NLRC5: variants seen among roughly 807,000 people sequenced by gnomAD.
NLRC5 encodes the protein NLR family CARD domain containing 5.
A neutral mutation model predicts 206.9 loss-of-function variants in NLRC5; 114 were observed. That is an observed-to-expected ratio of 0.55 (90% CI 0.47 to 0.64). The LOEUF is 0.64. Among genes scored for constraint, NLRC5 ranks in the 30% least tolerant of loss-of-function variants. NLRC5 has a pLI of 0.00. For synonymous variants in NLRC5, 952 were observed against 962.8 expected, an observed-to-expected ratio of 0.99 and a Z score of 0.21; for missense variants, 2,008 against 2,305.5, an observed-to-expected ratio of 0.87 and a Z score of 2.64.
chr16:57,062,057 A>C, intron 32 of NLRC5: 2 of 1,323,928 alleles, frequency 1.5e-6, no homozygotes, highest in Non-Finnish European at 2.0e-6. Context: ...GAAGATACCG[A>C]AGTAGAAAGA....
chr16:57,047,310 GGA>G (rs2064123707), intron 22 of NLRC5, among the ~76,000 whole-genome samples: 1 of 152,078 alleles, frequency 6.6e-6, no homozygotes, highest in South Asian at 2.1e-4. Context: ...GGGAGGACTT[GGA>G]GAGTCACTGA....
At position 57,081,527 on chromosome 16, in the gene NLRC5, C is replaced by G. The variant is rs1158845677; in HGVS notation, c.5406C>G (p.Asp1802Glu). 6.2e-7 allele frequency: 1 copy of G among 1,613,816 alleles called. No individual in the cohort carries two copies. The highest frequency in any genetic ancestry group is 1.3e-5 in the African/African-American group (1 of 74,908). ...LPQMGRLKRV[D>E]LEKNQITALG... Reference sequence around the variant, plus strand: ...CCTCCCCTCACTGTCCACTGAGAAGCCTGGAGAAGAATCAGATCACAGCTT... The same window carrying G: ...CCTCCCCTCACTGTCCACTGAGAAGGCTGGAGAAGAATCAGATCACAGCTT... The change falls in exon 48 of 49, where the codon GAC becomes GAG. Residue 1802 changes from aspartate to glutamate, a missense_variant and splice_region_variant. Asp to Glu is a conservative substitution (Grantham distance 45). Transcript: ENST00000688547.
At chr16:57,055,396 GC>G in intron 26 of NLRC5, 36 bp from the exon 27 acceptor site, 1 of 1,598,886 alleles carries the variant, frequency 6.3e-7, no homozygotes, top group Non-Finnish European at 8.6e-7. Context: ...GTGGCCAAAC[GC>G]CCCATCCCCT....
intron 13 of NLRC5, chr16:57,035,029 T>C (rs1443844964): frequency 6.6e-6 from 1 of 152,232 alleles, no homozygotes; most frequent in Non-Finnish European, 1.5e-5. Flanking sequence ...CAGGACAGAA[T>C]TAGAAGGTGG....
intron 1 of NLRC5, among the ~76,000 whole-genome samples, chr16:57,002,645 G>GTTTTTTTTTTT (rs61167610): frequency 2.1e-5 from 2 of 94,734 alleles, no homozygotes; most frequent in African/African-American, 3.9e-5. Context: ...GTTTTTTTTT[G>GTTTTTTTTTTT]TTTTTTTTTT....
At chr16:57,066,174 C>T (rs1023558698) in intron 33 of NLRC5, among the ~76,000 whole-genome samples, 13 of 152,230 alleles carry the variant, frequency 8.5e-5, no homozygotes, top group African/African-American at 2.9e-4. Context: ...CGGTGGCTCA[C>T]GCCTGTAACC....
At chr16:57,013,266 G>A in intron 1 of NLRC5, 1 of 562,014 alleles carries the variant, frequency 1.8e-6, no homozygotes. Context: ...CCAGGATTTT[G>A]AGCTATAACT....
chr16:57,008,424 A>G (rs2059152654), intron 1 of NLRC5, among the ~76,000 whole-genome samples: 1 of 152,198 alleles, frequency 6.6e-6, no homozygotes, highest in Non-Finnish European at 1.5e-5. Flanking sequence ...TTTTGGTTTC[A>G]TCTAGACTTT....
At chr16:57,039,694 G>A in intron 15 of NLRC5, 87 bp from the exon 16 acceptor site, 1 of 1,227,830 alleles carries the variant, frequency 8.1e-7, no homozygotes, top group Admixed American at 1.7e-5. Context: ...ACCAGCTTGG[G>A]CAACAGACTG....
chr16:57,069,272 A>G (rs1343639024), intron 36 of NLRC5, among the ~76,000 whole-genome samples: 1 of 152,074 alleles, frequency 6.6e-6, no homozygotes, highest in African/African-American at 2.4e-5. Flanking sequence ...CTAACTTTAC[A>G]TTTTATTTCC....
chr16:57,047,929 C>T, intron 23 of NLRC5: 1 of 429,304 alleles, frequency 2.3e-6, no homozygotes, highest in South Asian at 3.3e-5. Context: ...ACCCCTGGAG[C>T]CTCACCAGGG....
In NLRC5 at chr16:57,014,788, G is replaced by C. The variant is rs140383673; in HGVS notation, c.-127-2286G>C. Among the ~76,000 whole-genome samples the C allele has an allele frequency of 1.0e-3, 157 of 152,326 alleles. 1 individual carries two copies. In the East Asian group the frequency reaches 0.024, roughly 23 times the overall value. Reference sequence around the variant, plus strand: ...TTTCTCACGTTCTGAAAGCCGGGAAGTCCCCAATCAGGGAGCCAGCAGGCC... The same window carrying C: ...TTTCTCACGTTCTGAAAGCCGGGAACTCCCCAATCAGGGAGCCAGCAGGCC... On this transcript the variant is annotated intron_variant, in intron 1 of 48. Coordinates refer to ENST00000688547, the MANE Select transcript of NLRC5 (RefSeq NM_001384950.1).
At chr16:56,993,121 GTA>G (rs59382132) in intron 1 of NLRC5, among the ~76,000 whole-genome samples, 8,377 of 128,450 alleles carry the variant, frequency 0.065, 559 homozygotes, top group African/African-American at 0.16. Context: ...GTATATATGT[GTA>G]TATATATATA....
intron 1 of NLRC5, among the ~76,000 whole-genome samples, chr16:57,010,798 A>C (rs1282022132): frequency 6.6e-6 from 1 of 152,194 alleles, no homozygotes; most frequent in Admixed American, 6.5e-5. Flanking sequence ...TTTGTGAGCT[A>C]TCACTGATAA....
chr16:57,067,511 G>C (rs749389890), intron 35 of NLRC5, 41 bp downstream of exon 35: 1 of 1,580,202 alleles, frequency 6.3e-7, no homozygotes, highest in Admixed American at 1.7e-5. Flanking sequence ...TGAGTTCTCT[G>C]GTTGACCCTG....
intron 10 of NLRC5, 128 bp from the exon 11 acceptor site, chr16:57,031,276 C>T (rs2061853287): frequency 5.4e-6 from 5 of 932,878 alleles, no homozygotes; most frequent in Non-Finnish European, 6.9e-6. Context: ...CGTTATGTTT[C>T]CCTGTCAATT....
At position 57,040,663 on chromosome 16, in the gene NLRC5, G is replaced by T; in HGVS notation, c.2884G>T (p.Asp962Tyr). 6.2e-7 allele frequency: 1 copy of T among 1,614,148 alleles called. No homozygotes were observed. Among genetic ancestry groups the T allele is most frequent in the Non-Finnish European group, 8.5e-7 (1 of 1,180,008 alleles). ...ATGTCCCTCCAGGGCTGCATTTCTT[G>T]ACAGCCTCATGCTCCAGATGCCCTC... is the stretch of plus-strand genomic sequence containing the variant. ...KGPQERAAFLDSLMLQMPSEL... is the reference protein window; with the variant it reads ...KGPQERAAFLYSLMLQMPSEL... Residue 962 changes from aspartate to tyrosine, a missense_variant, in exon 17 of 49, where the codon GAC becomes TAC. Coordinates refer to ENST00000688547, the MANE Select transcript of NLRC5 (RefSeq NM_001384950.1).
chr16:57,044,497 A>G (rs1471276599), intron 20 of NLRC5, among the ~76,000 whole-genome samples: 4 of 151,898 alleles, frequency 2.6e-5, no homozygotes, highest in Non-Finnish European at 5.9e-5. Context: ...TTCCCTAAGG[A>G]CCCCCAAGAA....
At chr16:57,041,210 T>C (rs537534238) in intron 17 of NLRC5, 2 of 463,714 alleles carry the variant, frequency 4.3e-6, no homozygotes, top group East Asian at 3.7e-5. Flanking sequence ...TTCAGTCTTA[T>C]CTGTCTTCCT....
Sources: gnomAD v4.1 joint callset for allele counts (sites outside exome capture counted in the v4.1 genomes callset) on GRCh38, gnomAD v4.1.1 for gene constraint, MANE v1.5 for transcripts, NCBI Gene and HGNC (gene_info 2026-07-23, HGNC 2026-07-21) for gene names.